Variants in HERC3 observed in about 807,000 individuals in gnomAD.
HERC3 encodes HECT and RLD domain containing E3 ubiquitin protein ligase 3.
HERC3 carries 58 observed loss-of-function variants against 129.9 expected under a neutral mutation model. The ratio of observed to expected loss-of-function variants is 0.45; its 90% CI spans 0.36 to 0.56. The LOEUF (loss-of-function observed/expected upper bound fraction) is 0.56. Ranked by LOEUF, HERC3 falls within the 20% of genes least tolerant of loss-of-function variation. The probability of loss-of-function intolerance (pLI) is 0.00; values close to 1 mark genes in which losing one functional copy is unlikely to be tolerated. For synonymous variants in HERC3, 430 were observed against 451.0 expected, an observed-to-expected ratio of 0.95 and a Z score of 0.59; for missense variants, 835 against 1,244.2, an observed-to-expected ratio of 0.67 and a Z score of 4.95.
chr4:88,592,908 C>T (rs1205617259), intron 1 of HERC3, among the ~76,000 whole-genome samples: 2 of 151,894 alleles, frequency 1.3e-5, no homozygotes, highest in Non-Finnish European at 2.9e-5. Context: ...GGCCGCCCTC[C>T]CGCCCTGCCG....
chr4:88,624,275 A>G (rs1725854753), intron 3 of HERC3, among the ~76,000 whole-genome samples: 1 of 152,234 alleles, frequency 6.6e-6, no homozygotes, highest in Non-Finnish European at 1.5e-5. Context: ...TTTTTCATGA[A>G]TAAACTCCTA....
the HERC3 span, chr4:88,527,756 T>G: frequency 3.1e-6 from 1 of 320,500 alleles, no homozygotes; most frequent in South Asian, 3.0e-5. Context: ...TGCCTGCTTA[T>G]GTCCTTGTTC....
upstream of HERC3, among the ~76,000 whole-genome samples, chr4:88,590,475 C>T (rs1055456152): frequency 1.3e-5 from 2 of 152,156 alleles, no homozygotes; most frequent in Non-Finnish European, 2.9e-5. Context: ...AGGAGACTTG[C>T]GTGAATCCGG....
chr4:88,584,066 C>T, the HERC3 span: 18 of 152,300 alleles, frequency 1.2e-4, no homozygotes, highest in East Asian at 2.1e-3. Context: ...TGGCTTAACA[C>T]AATAGGAATT....
intron 23 of HERC3, among the ~76,000 whole-genome samples, chr4:88,700,815 A>C (rs1195831945): frequency 6.6e-6 from 1 of 152,174 alleles, no homozygotes; most frequent in African/African-American, 2.4e-5. Context: ...GGCAATAGTT[A>C]ATATTTAAAT....
chr4:88,699,400 A>T (rs1242514144), intron 23 of HERC3, among the ~76,000 whole-genome samples: 1 of 76,644 alleles, frequency 1.3e-5, no homozygotes. Context: ...CTTCTTCCCC[A>T]CCTTCCCCCA....
chr4:88,658,420 T>G lies in HERC3; in HGVS notation c.1075T>G (p.Phe359Val). The G allele has an allele frequency of 6.3e-7, 1 of 1,582,850 alleles. No homozygotes were observed. Among genetic ancestry groups the G allele is most frequent in the Non-Finnish European group, 8.6e-7 (1 of 1,161,762 alleles). The change falls in exon 10 of 26, where the codon TTT (phenylalanine) becomes GTT (valine). Residue 359 changes from phenylalanine to valine, a missense_variant. By Grantham distance (50) the Phe-to-Val change is conservative (BLOSUM62 -1). Coordinates refer to ENST00000402738, the MANE Select transcript of HERC3 (RefSeq NM_014606.3). ...CGGAATTTTTTTTTTGACAGATCGCTTTAAATATCATATCGTTAAGCAGAT... is the reference window on the plus strand; with the variant it reads ...CGGAATTTTTTTTTTGACAGATCGCGTTAAATATCATATCGTTAAGCAGAT... ...SGQLSARADRFKYHIVKQIFS... is the reference protein window; with the variant it reads ...SGQLSARADRVKYHIVKQIFS...
chr4:88,687,571 CAT>C (rs1458841955), intron 23 of HERC3, among the ~76,000 whole-genome samples: 2 of 152,156 alleles, frequency 1.3e-5, no homozygotes, highest in Admixed American at 6.5e-5. Context: ...TCAGTTTTCT[CAT>C]CTGCCAAATG....
intron 3 of HERC3, among the ~76,000 whole-genome samples, chr4:88,633,420 A>G (rs1560698515): frequency 6.6e-6 from 1 of 152,228 alleles, no homozygotes; most frequent in Non-Finnish European, 1.5e-5. Flanking sequence ...AGTAACCTAT[A>G]TGGTGGTAGG....
At chr4:88,544,100 C>T in the HERC3 span, among the ~76,000 whole-genome samples, 1 of 152,158 alleles carries the variant, frequency 6.6e-6, no homozygotes, top group Admixed American at 6.5e-5. Context: ...AGCTTCTGCA[C>T]AGCAAAAGTA....
chr4:88,697,287 C>T (rs781215891), intron 23 of HERC3: 46 of 1,604,594 alleles, frequency 2.9e-5, no homozygotes, highest in Non-Finnish European at 3.8e-5. Flanking sequence ...CAGCCTCCTC[C>T]TCCTCCTCGT....
At chr4:88,524,185 C>T in the HERC3 span, among the ~76,000 whole-genome samples, 1 of 152,118 alleles carries the variant, frequency 6.6e-6, no homozygotes, top group East Asian at 1.9e-4. Flanking sequence ...TTTACTATAC[C>T]ATTAGTTTCT....
chr4:88,568,424 G>A, the HERC3 span, among the ~76,000 whole-genome samples: 2 of 152,166 alleles, frequency 1.3e-5, no homozygotes, highest in African/African-American at 4.8e-5. Flanking sequence ...GCCAGGGCCT[G>A]GAGTTGGGAA....
intron 21 of HERC3, among the ~76,000 whole-genome samples, chr4:88,682,684 G>A (rs1488863723): frequency 6.6e-6 from 1 of 152,014 alleles, no homozygotes; most frequent in African/African-American, 2.4e-5. Context: ...AGTATTCCAT[G>A]GTGTATATGT....
intron 8 of HERC3, among the ~76,000 whole-genome samples, chr4:88,655,674 C>G (rs1051695084): frequency 6.6e-6 from 1 of 152,206 alleles, no homozygotes; most frequent in African/African-American, 2.4e-5. Context: ...TCTTTCCTGA[C>G]TTGCCACCCT....
chr4:88,545,454 A>G, the HERC3 span, among the ~76,000 whole-genome samples: 5 of 95,276 alleles, frequency 5.2e-5, no homozygotes, highest in Non-Finnish European at 9.2e-5. Flanking sequence ...TTTTTTTTAG[A>G]TAGGGTCTTG....
At chr4:88,568,122 T>G in the HERC3 span, among the ~76,000 whole-genome samples, 1 of 152,236 alleles carries the variant, frequency 6.6e-6, no homozygotes, top group Non-Finnish European at 1.5e-5. Flanking sequence ...TTCCCTTACT[T>G]TCCCCAGACA....
At chr4:88,693,252 G>A (rs1161127294) in intron 23 of HERC3, 1 of 978,952 alleles carries the variant, frequency 1.0e-6, no homozygotes, top group Non-Finnish European at 1.2e-6. Context: ...TGTGTATAAA[G>A]GATTTTGTGC....
At chr4:88,662,254 A>G (rs1245784062) in intron 10 of HERC3, among the ~76,000 whole-genome samples, 177 bp from the exon 11 acceptor site, 1 of 152,094 alleles carries the variant, frequency 6.6e-6, no homozygotes, top group African/African-American at 2.4e-5. Flanking sequence ...CTGGACAGCA[A>G]CCCAGCTGGG....
Sources: gnomAD v4.1 joint callset for allele counts (sites outside exome capture counted in the v4.1 genomes callset) on GRCh38, gnomAD v4.1.1 for gene constraint, MANE v1.5 for transcripts, NCBI Gene and HGNC (gene_info 2026-07-23, HGNC 2026-07-21) for gene names.